Variants in ST3GAL3 observed in about 807,000 individuals in gnomAD.
The protein encoded by ST3GAL3 is ST3 beta-galactoside alpha-2,3-sialyltransferase 3, also known as CMP-N-acetylneuraminate-beta-1,4-galactoside alpha-2,3-sialyltransferase.
In ST3GAL3, 21 loss-of-function variants were observed where a neutral mutation model predicts 50.1. The observed-to-expected ratio is 0.42, with a 90% CI of 0.30 to 0.60. The LOEUF (loss-of-function observed/expected upper bound fraction) is 0.60, where lower values mean the gene tolerates loss of function less well. Among genes scored for constraint, ST3GAL3 ranks in the 20% least tolerant of loss-of-function variants. The probability of loss-of-function intolerance (pLI) is 0.19; values close to 1 mark genes in which losing one functional copy is unlikely to be tolerated. For synonymous variants in ST3GAL3, 183 were observed against 190.0 expected, an observed-to-expected ratio of 0.96 and a Z score of 0.30; for missense variants, 353 against 489.4, an observed-to-expected ratio of 0.72 and a Z score of 2.63.
chr1:43,896,428 GAAATAAAAC>G (rs2077395927), intron 6 of ST3GAL3, among the ~76,000 whole-genome samples: 1 of 152,168 alleles, frequency 6.6e-6, no homozygotes, highest in Non-Finnish European at 1.5e-5. Context: ...CCCAGCTGAA[GAAATAAAAC>G]ATGAGACACA....
At chr1:43,909,554 A>G (rs375939800) in intron 9 of ST3GAL3, among the ~76,000 whole-genome samples, 9 of 152,232 alleles carry the variant, frequency 5.9e-5, no homozygotes, top group Non-Finnish European at 1.3e-4. Flanking sequence ...CATAGCACAC[A>G]TCAAAATAAA....
chr1:43,925,584 T>A (rs1034038510), intron 11 of ST3GAL3, among the ~76,000 whole-genome samples: 1 of 152,222 alleles, frequency 6.6e-6, no homozygotes, highest in Admixed American at 6.5e-5. Flanking sequence ...TGCCCGGGTT[T>A]AGAATCCCTC....
At chr1:43,733,447 C>T (rs1310416869) in intron 1 of ST3GAL3, among the ~76,000 whole-genome samples, 6 of 152,116 alleles carry the variant, frequency 3.9e-5, no homozygotes, top group African/African-American at 7.2e-5. Context: ...ACATGCTTAG[C>T]GTAGAGTAAA....
chr1:43,759,063 G>GCA lies in ST3GAL3; in HGVS notation c.118+22684_118+22685insAC, dbSNP rs775153049. On this transcript the variant is annotated intron_variant, in intron 2 of 11. Transcript: ENST00000347631. ...TCTCCTAAAAAACAAACAAAAGCGC[G>GCA]CGCACACACACACACACACACACAC... is the stretch of plus-strand genomic sequence containing the variant. Among the ~76,000 whole-genome samples the GCA allele has an allele frequency of 3.1e-3, 417 of 132,410 alleles. 2 individuals carry two copies. Among genetic ancestry groups the GCA allele is most frequent in the African/African-American group, 0.013 (394 of 30,666 alleles). 86.9% of individuals were successfully genotyped at this position (132,410 alleles called of 152,430 possible).
chr1:43,925,742 A>G (rs2083807255), intron 11 of ST3GAL3, among the ~76,000 whole-genome samples: 1 of 152,220 alleles, frequency 6.6e-6, no homozygotes, highest in Non-Finnish European at 1.5e-5. Context: ...TGCCGGGGAT[A>G]TGGAAGGGAT....
At chr1:43,911,694 T>C (rs1184491706) in intron 9 of ST3GAL3, among the ~76,000 whole-genome samples, 1 of 150,766 alleles carries the variant, frequency 6.6e-6, no homozygotes, top group Non-Finnish European at 1.5e-5. Context: ...GATATGGATT[T>C]TTTTTTTTTT....
At chr1:43,768,789 A>G (rs973558922) in intron 2 of ST3GAL3, among the ~76,000 whole-genome samples, 1 of 152,236 alleles carries the variant, frequency 6.6e-6, no homozygotes, top group Non-Finnish European at 1.5e-5. Context: ...CTTCAAACCC[A>G]GAGGGCTTCA....
intron 4 of ST3GAL3, 57 bp from the exon 5 acceptor site, chr1:43,838,159 TTAA>T: frequency 1.6e-5 from 17 of 1,042,816 alleles, no homozygotes; most frequent in Non-Finnish European, 2.0e-5. Context: ...TCCTTATGAA[TTAA>T]TAACCCACTC....
rs57947852 is a variant in ST3GAL3 at position 43,813,860 on chromosome 1, GACACACAC to G, written c.167-1004_167-997del. Among the ~76,000 whole-genome samples the G allele has an allele frequency of 9.6e-3, 1,383 of 144,596 alleles. 16 individuals carry two copies. Among genetic ancestry groups the G allele is most frequent in the South Asian group, 0.038 (168 of 4,424 alleles). 94.9% of individuals were successfully genotyped at this position (144,596 alleles called of 152,430 possible). A position where few individuals can be genotyped will look rare whatever the true frequency, so the allele number is the denominator to read the frequency against. On this transcript the variant is annotated intron_variant, in intron 3 of 11. Transcript: ENST00000347631. ...CATAGGCCACTTTATTTTTTGGCTA[GACACACAC>G]ACACACACACACACACACACACACA...
chr1:43,930,510 G>A lies in ST3GAL3; in HGVS notation c.*289G>A. 1.8e-6 allele frequency: 1 copy of A among 542,514 alleles called. No homozygotes were observed. The highest frequency in any genetic ancestry group is 2.0e-5 in the South Asian group (1 of 49,154). 33.6% of individuals were successfully genotyped at this position (542,514 alleles called of 1,614,324 possible). The stretch of plus-strand genomic sequence containing the variant: ...ACACTGGGCAGCAAGGCTGCTGCCG[G>A]AATCACTTCTCCAATCAGTGTTTGG... On this transcript the variant is annotated 3_prime_UTR_variant, in exon 12 of 12. Coordinates refer to ENST00000347631, the MANE Select transcript of ST3GAL3 (RefSeq NM_006279.5).
At chr1:43,893,184 T>G (rs2076898641) in intron 5 of ST3GAL3, among the ~76,000 whole-genome samples, 1 of 152,194 alleles carries the variant, frequency 6.6e-6, no homozygotes, top group South Asian at 2.1e-4. Context: ...TATAATGGTG[T>G]TAGTGATGAT....
At chr1:43,842,112 T>G (rs1170855026) in intron 5 of ST3GAL3, 1 of 152,246 alleles carries the variant, frequency 6.6e-6, no homozygotes, top group Admixed American at 6.5e-5. Context: ...CTCATTTCAA[T>G]CTGAGACCTT....
chr1:43,745,498 AAC>A (rs1435380987), intron 2 of ST3GAL3, among the ~76,000 whole-genome samples: 9 of 152,344 alleles, frequency 5.9e-5, no homozygotes, highest in Admixed American at 2.0e-4. Context: ...CTACTTAAAT[AAC>A]ACAACAAAAA....
chr1:43,727,038 CTG>C (rs1673258355), intron 1 of ST3GAL3, among the ~76,000 whole-genome samples: 1 of 152,194 alleles, frequency 6.6e-6, no homozygotes, highest in Non-Finnish European at 1.5e-5. Context: ...TCGTTTCACT[CTG>C]AGAGCTTTCT....
intron 2 of ST3GAL3, among the ~76,000 whole-genome samples, chr1:43,768,278 A>T (rs984074572): frequency 1.1e-3 from 168 of 152,026 alleles, no homozygotes; most frequent in African/African-American, 1.1e-3. Flanking sequence ...CTACAAAAAA[A>T]TTTTTTTTAA....
At chr1:43,812,880 T>C (rs199789079) in intron 3 of ST3GAL3, among the ~76,000 whole-genome samples, 8 of 135,618 alleles carry the variant, frequency 5.9e-5, no homozygotes, top group Non-Finnish European at 1.2e-4. Context: ...TGTGTGCGTG[T>C]GTGTGTGTGT....
At chr1:43,807,472 G>A (rs1436923921) in intron 3 of ST3GAL3, among the ~76,000 whole-genome samples, 1 of 144,296 alleles carries the variant, frequency 6.9e-6, no homozygotes, top group Admixed American at 7.0e-5. Context: ...ATATCTATAG[G>A]CCAGGTCTTG....
At chr1:43,868,884 A>G (rs566489161) in intron 5 of ST3GAL3, among the ~76,000 whole-genome samples, 1 of 152,270 alleles carries the variant, frequency 6.6e-6, no homozygotes, top group Admixed American at 6.5e-5. Flanking sequence ...GCCCCTTTCC[A>G]GAGCTTTTCC....
At chr1:43,847,357 A>G (rs2066428401) in intron 5 of ST3GAL3, among the ~76,000 whole-genome samples, 2 of 152,252 alleles carry the variant, frequency 1.3e-5, no homozygotes. Context: ...GGAATTATTC[A>G]TTATTGCCAA....
Sources: gnomAD v4.1 joint callset for allele counts (sites outside exome capture counted in the v4.1 genomes callset) on GRCh38, gnomAD v4.1.1 for gene constraint, MANE v1.5 for transcripts, NCBI Gene and HGNC (gene_info 2026-07-23, HGNC 2026-07-21) for gene names.